RPTOR: variants seen among roughly 807,000 people sequenced by gnomAD.
RPTOR encodes regulatory associated protein of MTOR complex 1, also known as regulatory-associated protein of mTOR.
RPTOR carries 21 observed loss-of-function variants against 169.9 expected under a neutral mutation model. That is an observed-to-expected ratio of 0.12 (90% confidence interval 0.09 to 0.18). The LOEUF is 0.18. RPTOR is among the 10% of genes least tolerant of loss of function. The pLI, the probability that RPTOR is intolerant of heterozygous loss-of-function variation, is 1.00. For synonymous variants in RPTOR, 732 were observed against 753.2 expected (o/e 0.97, Z 0.46); for missense variants, 1,133 against 1,855.9 (o/e 0.61, Z 7.16).
At chr17:80,706,679 G>T (rs2143088365) in intron 3 of RPTOR, among the ~76,000 whole-genome samples, 1 of 152,332 alleles carries the variant, frequency 6.6e-6, no homozygotes, top group Non-Finnish European at 1.5e-5. Flanking sequence ...AGGCCAGGTT[G>T]CCCTCAGGGC....
chr17:80,628,837 AT>A (rs1479128693), intron 2 of RPTOR, among the ~76,000 whole-genome samples: 3 of 152,184 alleles, frequency 2.0e-5, no homozygotes, highest in African/African-American at 7.2e-5. Context: ...TGATGTCTTC[AT>A]TTTTGAAAAG....
At chr17:80,787,598 T>C (rs1448375941) in intron 6 of RPTOR, among the ~76,000 whole-genome samples, 1 of 152,182 alleles carries the variant, frequency 6.6e-6, no homozygotes, top group African/African-American at 2.4e-5. Context: ...CATGGTAAGG[T>C]GCTTTCCCAG....
intron 10 of RPTOR, among the ~76,000 whole-genome samples, chr17:80,840,347 T>A (rs1210816020): frequency 9.4e-5 from 12 of 128,330 alleles, no homozygotes; most frequent in African/African-American, 3.5e-4. Context: ...CAGCTCACAC[T>A]CACCACACGG....
intron 24 of RPTOR, among the ~76,000 whole-genome samples, chr17:80,926,464 T>C (rs1304596622): frequency 6.6e-6 from 1 of 152,236 alleles, no homozygotes; most frequent in Non-Finnish European, 1.5e-5. Flanking sequence ...CAGTCATGAA[T>C]CTGCTAAAAT....
chr17:80,809,286 G>T (rs2067249559), intron 7 of RPTOR, among the ~76,000 whole-genome samples: 1 of 152,158 alleles, frequency 6.6e-6, no homozygotes, highest in Admixed American at 6.6e-5. Context: ...CCGCCTCCCG[G>T]GTTCCTGCAA....
chr17:80,893,183 T>C (rs1449633503), intron 19 of RPTOR, among the ~76,000 whole-genome samples: 5 of 152,208 alleles, frequency 3.3e-5, no homozygotes, highest in Admixed American at 3.3e-4. Flanking sequence ...GGTCTGCGGG[T>C]GGGGAGCTTG....
At chr17:80,837,406 C>T (rs2067576425) in intron 9 of RPTOR, among the ~76,000 whole-genome samples, 1 of 152,170 alleles carries the variant, frequency 6.6e-6, no homozygotes, top group Non-Finnish European at 1.5e-5. Flanking sequence ...CAGCGCAGAG[C>T]TCAGCCCTGA....
At chr17:80,900,535 C>T (rs2068463284) in intron 20 of RPTOR, among the ~76,000 whole-genome samples, 3 of 152,228 alleles carry the variant, frequency 2.0e-5, no homozygotes, top group Non-Finnish European at 4.4e-5. Flanking sequence ...AGGCTGGTCT[C>T]GAACTTCCAA....
intron 5 of RPTOR, among the ~76,000 whole-genome samples, chr17:80,748,035 G>A (rs1380039059): frequency 7.2e-6 from 1 of 138,458 alleles, no homozygotes; most frequent in East Asian, 2.0e-4. Flanking sequence ...TGTGTGTTTA[G>A]AGGCCGTGGC....
At chr17:80,617,084 C>A (rs72858222) in intron 1 of RPTOR, among the ~76,000 whole-genome samples, 1 of 152,182 alleles carries the variant, frequency 6.6e-6, no homozygotes, top group Non-Finnish European at 1.5e-5. Flanking sequence ...TCTGCCCCCC[C>A]ATGCTTATAG....
At chr17:80,905,686 C>G (rs985999200) in intron 20 of RPTOR, among the ~76,000 whole-genome samples, 3 of 152,170 alleles carry the variant, frequency 2.0e-5, no homozygotes, top group African/African-American at 7.2e-5. Flanking sequence ...GGGTCCTTAC[C>G]TGGAGTGTCC....
At chr17:80,686,784 G>A (rs142354358) in intron 3 of RPTOR, among the ~76,000 whole-genome samples, 27 of 152,172 alleles carry the variant, frequency 1.8e-4, no homozygotes, top group African/African-American at 6.3e-4. Context: ...CCAGCCCCTC[G>A]CCCAGCTGTG....
At chr17:80,742,766 G>T (rs138087241) in intron 5 of RPTOR, among the ~76,000 whole-genome samples, 1 of 151,334 alleles carries the variant, frequency 6.6e-6, no homozygotes, top group South Asian at 2.1e-4. Flanking sequence ...ATATAGACAC[G>T]CACATGTATA....
rs901229206 is a variant in RPTOR, at chr17:80,857,831, C to T, written c.1440C>T (p.Leu480=). The T allele has an allele frequency of 6.8e-6, 11 of 1,612,834 alleles. No homozygotes were observed. Among genetic ancestry groups the T allele is most frequent in the Non-Finnish European group, 8.5e-6 (10 of 1,179,968 alleles). ...TCTTCCCCTACGTGCTGAAGCTGCT[C>T]CAGAGCTCGGCCCGAGAGCTGCGGC... is the stretch of plus-strand genomic sequence containing the variant. ...VGIFPYVLKL[L]QSSARELRPL... is the part of the protein sequence containing the mutation. The change falls in exon 13 of 34, where the codon CTC becomes CTT. Residue 480 remains leucine (L), a synonymous_variant. Coordinates refer to ENST00000306801, the MANE Select transcript of RPTOR (RefSeq NM_020761.3).
chr17:80,888,381 T>G (rs2068274829), intron 17 of RPTOR, among the ~76,000 whole-genome samples: 1 of 152,186 alleles, frequency 6.6e-6, no homozygotes, highest in Non-Finnish European at 1.5e-5. Context: ...CAGGCCTTGG[T>G]CTCCCAAGAT....
chr17:80,892,104 C>T (rs1165841561), intron 18 of RPTOR, among the ~76,000 whole-genome samples: 1 of 152,172 alleles, frequency 6.6e-6, no homozygotes, highest in Non-Finnish European at 1.5e-5. Context: ...TATGACAAAA[C>T]TTCTGCAGTA....
At chr17:80,885,771 G>A (rs1468424445) in intron 17 of RPTOR, among the ~76,000 whole-genome samples, 1 of 152,180 alleles carries the variant, frequency 6.6e-6, no homozygotes, top group Non-Finnish European at 1.5e-5. Flanking sequence ...TCGATCTCCT[G>A]ACATCGTGAT....
At chr17:80,582,700 C>G (rs540826895) in intron 1 of RPTOR, among the ~76,000 whole-genome samples, 137 of 151,952 alleles carry the variant, frequency 9.0e-4, no homozygotes, top group African/African-American at 3.3e-3. Flanking sequence ...CGCCCGCCAC[C>G]ATGCCTGGCT....
chr17:80,929,660 G>A (rs1054874955), intron 24 of RPTOR, among the ~76,000 whole-genome samples: 6 of 152,126 alleles, frequency 3.9e-5, no homozygotes, highest in African/African-American at 1.2e-4. Context: ...TGCACTGCCC[G>A]TCATCAGATC....
Sources: allele counts gnomAD v4.1 joint callset (sites outside exome capture counted in the v4.1 genomes callset), GRCh38; gene constraint gnomAD v4.1.1; transcripts MANE v1.5; gene names NCBI Gene and HGNC (gene_info 2026-07-23, HGNC 2026-07-21).